Variants in TBC1D4 observed in about 807,000 individuals in gnomAD.
The protein encoded by TBC1D4 is TBC1 domain family member 4, also known as TBC (Tre-2, BUB2, CDC16) domain-containing protein.
In TBC1D4, 121 loss-of-function variants were observed where a neutral mutation model predicts 142.5. The observed-to-expected ratio is 0.85, with a 90% CI of 0.73 to 0.99. TBC1D4 has a LOEUF of 0.99. Among genes scored for constraint, TBC1D4 ranks in the 50% least tolerant of loss-of-function variants. TBC1D4 has a pLI of 0.00. For missense variants in TBC1D4, 1,475 were observed against 1,606.6 expected, an observed-to-expected ratio of 0.92 and a Z score of 1.40; for synonymous variants, 630 against 628.2, an observed-to-expected ratio of 1.00 and a Z score of -0.04.
In TBC1D4 at chr13:75,299,244, T is replaced by C. The variant is rs770856020; in HGVS notation, c.3156+86A>G. The C allele has an allele frequency of 6.9e-5, 111 of 1,598,264 alleles. No homozygotes were observed. The Middle Eastern group carries it at 1.3e-3, about 19-fold the overall frequency. On this transcript the variant is annotated intron_variant, in intron 17 of 20. Transcript: ENST00000377636. ...TCTAAGACAATGGCTCTACATTTCT[T>C]TAAATCTGAACTGTAATAATTGAGA... is the stretch of plus-strand genomic sequence containing the variant.
At chr13:75,314,034 CTCT>C (rs1878043464) in intron 12 of TBC1D4, among the ~76,000 whole-genome samples, 1 of 152,084 alleles carries the variant, frequency 6.6e-6, no homozygotes, top group Non-Finnish European at 1.5e-5. Context: ...GAAAATGCTC[CTCT>C]ATTGTCAAAA....
At chr13:75,340,494 G>A (rs530962483) in intron 7 of TBC1D4, among the ~76,000 whole-genome samples, 1 of 152,164 alleles carries the variant, frequency 6.6e-6, no homozygotes, top group Non-Finnish European at 1.5e-5. Context: ...CATATGAATT[G>A]GAAATAAAAT....
At chr13:75,294,501 G>A (rs1466566113) in intron 18 of TBC1D4, among the ~76,000 whole-genome samples, 6 of 152,136 alleles carry the variant, frequency 3.9e-5, no homozygotes, top group Non-Finnish European at 5.9e-5. Context: ...AAGACAATGG[G>A]GGTAGAAACA....
At chr13:75,336,415 C>T (rs1018629465) in intron 8 of TBC1D4, among the ~76,000 whole-genome samples, 1 of 143,816 alleles carries the variant, frequency 7.0e-6, no homozygotes, top group Admixed American at 7.0e-5. Context: ...AAAAAAAGAT[C>T]ATTTTGAGCT....
chr13:75,316,385 C>T (rs1341054265), intron 12 of TBC1D4: 1 of 152,070 alleles, frequency 6.6e-6, no homozygotes, highest in Non-Finnish European at 1.5e-5. Context: ...AATTTTTCTC[C>T]CATGTCTGGA....
chr13:75,417,932 T>G (rs577186312), intron 1 of TBC1D4, among the ~76,000 whole-genome samples: 23 of 152,330 alleles, frequency 1.5e-4, no homozygotes, highest in Non-Finnish European at 4.4e-5. Context: ...TTTGTCAACG[T>G]GGTAATGATA....
At position 75,362,713 on chromosome 13, in the gene TBC1D4, T is replaced by C; in HGVS notation, c.499-106A>G. On this transcript the variant is annotated intron_variant, in intron 1 of 20. Coordinates refer to ENST00000377636, the MANE Select transcript of TBC1D4 (RefSeq NM_014832.5). The surrounding 1 kb of genome is among the most constrained non-coding windows in gnomAD (Gnocchi z 4.2). ...TGGAATGTATTTTCATCCTAAATAA[T>C]ATACAAAGTAATAGACACTACACGA... 8.2e-7 allele frequency: 1 copy of C among 1,226,062 alleles called. No homozygotes were observed. The highest frequency in any genetic ancestry group is 1.9e-5 in the Admixed American group (1 of 53,128). The allele number at this position is 1,226,062 out of a possible 1,614,324, so 75.9% of individuals were successfully genotyped here.
intron 20 of TBC1D4, among the ~76,000 whole-genome samples, chr13:75,287,467 C>A (rs993994185): frequency 3.9e-5 from 6 of 152,126 alleles, no homozygotes; most frequent in African/African-American, 1.4e-4. Context: ...GGCCAAGTAA[C>A]TGATGATGAC....
At chr13:75,439,210 T>C (rs1020395719) in intron 1 of TBC1D4, among the ~76,000 whole-genome samples, 5 of 152,200 alleles carry the variant, frequency 3.3e-5, no homozygotes, top group African/African-American at 1.2e-4. Context: ...TTCTTTATGC[T>C]TCATAACTTA....
chr13:75,453,705 T>C (rs967166585), intron 1 of TBC1D4, among the ~76,000 whole-genome samples: 1 of 151,912 alleles, frequency 6.6e-6, no homozygotes, highest in East Asian at 1.9e-4. Context: ...CTACTAAAAA[T>C]ACAAAAATTA....
At chr13:75,473,906 T>G (rs1888520855) in intron 1 of TBC1D4, among the ~76,000 whole-genome samples, 1 of 152,250 alleles carries the variant, frequency 6.6e-6, no homozygotes, top group Non-Finnish European at 1.5e-5. Context: ...TTTACTTGTT[T>G]TTAAATGTAG....
Position 75,463,583 on chromosome 13 carries a change from T to A in TBC1D4, c.498+17687A>T, listed in dbSNP as rs560284987. Among the ~76,000 whole-genome samples the A allele has an allele frequency of 3.9e-5, 6 of 152,272 alleles. No individual in the cohort carries two copies. The East Asian group carries it at 1.2e-3, about 29-fold the overall frequency. On this transcript the variant is annotated intron_variant, in intron 1 of 20. Transcript: ENST00000377636. ...AATCAAATTGAAAAACACTGATATA[T>A]CACCCTTCCTACCTGCCCCCAATAA...
chr13:75,324,823 C>A (rs565334872), intron 10 of TBC1D4, among the ~76,000 whole-genome samples: 1 of 152,326 alleles, frequency 6.6e-6, no homozygotes, highest in African/African-American at 2.4e-5. Flanking sequence ...ATAAACCCTT[C>A]TAAATATTTA....
At chr13:75,454,127 T>A (rs1044194314) in intron 1 of TBC1D4, among the ~76,000 whole-genome samples, 2 of 151,776 alleles carry the variant, frequency 1.3e-5, no homozygotes, top group African/African-American at 4.8e-5. Flanking sequence ...GCTCAAACAA[T>A]CTTCCTACCT....
chr13:75,288,882 T>C (rs1874963354), intron 20 of TBC1D4, 52 bp downstream of exon 20: 3 of 1,571,330 alleles, frequency 1.9e-6, no homozygotes, highest in Non-Finnish European at 2.6e-6. Flanking sequence ...GGTAGTTCTG[T>C]GCATGCAGGA....
intron 15 of TBC1D4, among the ~76,000 whole-genome samples, chr13:75,303,452 A>C (rs1876801333): frequency 6.6e-6 from 1 of 152,176 alleles, no homozygotes; most frequent in South Asian, 2.1e-4. Flanking sequence ...TGAACACCAA[A>C]ATGTATCACA....
chr13:75,399,935 G>A (rs930386924), intron 1 of TBC1D4, among the ~76,000 whole-genome samples: 17 of 152,234 alleles, frequency 1.1e-4, no homozygotes, highest in Middle Eastern at 3.4e-3. Flanking sequence ...TCATGCTAGC[G>A]TTGGGGAGAG....
intron 13 of TBC1D4, among the ~76,000 whole-genome samples, chr13:75,310,381 T>C (rs1877626872): frequency 6.6e-6 from 1 of 152,216 alleles, no homozygotes; most frequent in Non-Finnish European, 1.5e-5. Flanking sequence ...TCACCACTTC[T>C]TCTTTCCACC....
chr13:75,451,539 G>C (rs576088047), intron 1 of TBC1D4, among the ~76,000 whole-genome samples: 1 of 149,800 alleles, frequency 6.7e-6, no homozygotes, highest in East Asian at 1.9e-4. Flanking sequence ...ATGTAGCCAG[G>C]CATGGTGGTG....
Sources: gnomAD v4.1 joint callset for allele counts (sites outside exome capture counted in the v4.1 genomes callset) on GRCh38, gnomAD v4.1.1 for gene constraint, Gnocchi (gnomAD v3.1) non-coding constraint, MANE v1.5 for transcripts, NCBI Gene and HGNC (gene_info 2026-07-23, HGNC 2026-07-21) for gene names.